SOX6: variants seen among roughly 807,000 people sequenced by gnomAD.
The protein encoded by SOX6 is SRY-box transcription factor 6.
In SOX6, 11 loss-of-function variants were observed where a neutral mutation model predicts 97.8. That is an observed-to-expected ratio of 0.11 (90% CI 0.07 to 0.19). SOX6 has a LOEUF of 0.19. SOX6 is among the 10% of genes least tolerant of loss of function. The probability of loss-of-function intolerance (pLI) is 1.00; values close to 1 mark genes in which losing one functional copy is unlikely to be tolerated. For missense variants in SOX6, 810 were observed against 1,039.5 expected (o/e 0.78, Z 3.04); for synonymous variants, 360 against 371.4 (o/e 0.97, Z 0.35).
At chr11:16,126,578 A>G (rs1452265272) in intron 6 of SOX6, among the ~76,000 whole-genome samples, 3 of 152,144 alleles carry the variant, frequency 2.0e-5, no homozygotes, top group African/African-American at 4.8e-5. Context: ...GCTCTGTTAG[A>G]TAGGCTTTCA....
At chr11:16,382,430 T>C (rs1287706419) in intron 1 of SOX6, 1 of 152,034 alleles carries the variant, frequency 6.6e-6, no homozygotes, top group Admixed American at 6.6e-5. Flanking sequence ...GGCTTTTATC[T>C]TTGTCTTGCA....
At chr11:16,384,783 G>C (rs1471010758) in intron 1 of SOX6, among the ~76,000 whole-genome samples, 1 of 151,974 alleles carries the variant, frequency 6.6e-6, no homozygotes, top group Non-Finnish European at 1.5e-5. Context: ...AAGAATGGCA[G>C]CATAGAAAGC....
At chr11:16,457,548 TTA>T (rs1859832316) in intron 1 of SOX6, among the ~76,000 whole-genome samples, 1 of 152,064 alleles carries the variant, frequency 6.6e-6, no homozygotes, top group South Asian at 2.1e-4. Flanking sequence ...CCATACCCAT[TTA>T]ACAGATGAAG....
chr11:16,501,596 A>T (rs1327894223), intron 4 of SOX6, among the ~76,000 whole-genome samples: 1 of 151,912 alleles, frequency 6.6e-6, no homozygotes, highest in Non-Finnish European at 1.5e-5. Flanking sequence ...TCTAGAAAGA[A>T]CTCAAACAAA....
chr11:16,487,852 T>C (rs575063010), intron 4 of SOX6, among the ~76,000 whole-genome samples: 53 of 152,318 alleles, frequency 3.5e-4, no homozygotes, highest in South Asian at 1.2e-3. Context: ...TGGAGCTCTG[T>C]AATTTAAAAG....
At chr11:16,268,382 C>T (rs74375633) in intron 3 of SOX6, among the ~76,000 whole-genome samples, 8,309 of 151,026 alleles carry the variant, frequency 0.055, 296 homozygotes, top group Non-Finnish European at 0.08. Flanking sequence ...TCATATATAC[C>T]TTGATAAGAC....
intron 3 of SOX6, among the ~76,000 whole-genome samples, chr11:16,678,372 C>A (rs1336694329): frequency 6.6e-6 from 1 of 152,098 alleles, no homozygotes; most frequent in Non-Finnish European, 1.5e-5. Context: ...TTTAAATTGA[C>A]CTTCTAATTT....
At chr11:16,174,783 A>G (rs1031888120) in intron 6 of SOX6, among the ~76,000 whole-genome samples, 6 of 152,052 alleles carry the variant, frequency 3.9e-5, no homozygotes, top group African/African-American at 1.4e-4. Context: ...GCTAAAACAC[A>G]TAATTTCAAC....
intron 3 of SOX6, among the ~76,000 whole-genome samples, chr11:16,275,210 G>A (rs1456250592): frequency 1.3e-5 from 2 of 151,642 alleles, no homozygotes; most frequent in African/African-American, 2.4e-5. Flanking sequence ...AGGAGCCCGA[G>A]GCGGGCGGAT....
upstream of SOX6, among the ~76,000 whole-genome samples, chr11:16,358,352 TA>T (rs1199758879): frequency 4.6e-5 from 7 of 152,146 alleles, no homozygotes; most frequent in African/African-American, 1.7e-4. Context: ...TGTTTTACCT[TA>T]AAAATATATT....
intron 3 of SOX6, among the ~76,000 whole-genome samples, chr11:16,281,033 C>T (rs1049874598): frequency 6.6e-6 from 1 of 152,036 alleles, no homozygotes; most frequent in Non-Finnish European, 1.5e-5. Flanking sequence ...AGAGTCAGCC[C>T]TCAACAAAGT....
At chr11:16,513,936 C>A (rs919431903) in intron 4 of SOX6, among the ~76,000 whole-genome samples, 1 of 152,000 alleles carries the variant, frequency 6.6e-6, no homozygotes, top group African/African-American at 2.4e-5. Context: ...AGACTGCAAA[C>A]TGTTGGGATT....
At chr11:16,480,835 A>T (rs1027612536), upstream of SOX6, among the ~76,000 whole-genome samples, 4 of 152,162 alleles carry the variant, frequency 2.6e-5, no homozygotes, top group Admixed American at 6.5e-5. Context: ...GCACTGCATG[A>T]TTAAAACTGA....
chr11:16,459,931 A>G (rs1356102847), intron 1 of SOX6, among the ~76,000 whole-genome samples: 1 of 151,964 alleles, frequency 6.6e-6, no homozygotes, highest in Non-Finnish European at 1.5e-5. Flanking sequence ...TTTTCCAGAT[A>G]CAATGAAAAC....
chr11:16,093,127 G>A (rs1848727176), intron 9 of SOX6, among the ~76,000 whole-genome samples: 1 of 151,968 alleles, frequency 6.6e-6, no homozygotes, highest in Non-Finnish European at 1.5e-5. Flanking sequence ...GTTCTCTAAA[G>A]GTCAAAAGCA....
intron 3 of SOX6, among the ~76,000 whole-genome samples, chr11:16,671,001 CT>C (rs1235424669): frequency 6.6e-6 from 1 of 152,188 alleles, no homozygotes; most frequent in Non-Finnish European, 1.5e-5. Context: ...GTGTCACCTA[CT>C]AAATCATATC....
chr11:16,424,946 G>A (rs932404376), intron 1 of SOX6, among the ~76,000 whole-genome samples: 2 of 152,288 alleles, frequency 1.3e-5, no homozygotes, highest in South Asian at 4.1e-4. Context: ...AAACAAAGTG[G>A]CTAAGTCAAA....
intron 4 of SOX6, among the ~76,000 whole-genome samples, chr11:16,518,776 C>CAA (rs199824776): frequency 6.6e-6 from 1 of 151,512 alleles, no homozygotes; most frequent in African/African-American, 2.4e-5. Context: ...ATTTTCAACA[C>CAA]AAAAAAAACG....
chr11:16,522,541 G>A (rs1861085499), intron 4 of SOX6, among the ~76,000 whole-genome samples: 1 of 151,826 alleles, frequency 6.6e-6, no homozygotes, highest in South Asian at 2.1e-4. Flanking sequence ...AAAATGTAAG[G>A]ACCATCGAGA....
Sources: gnomAD v4.1 joint callset for allele counts (sites outside exome capture counted in the v4.1 genomes callset) on GRCh38, gnomAD v4.1.1 for gene constraint, MANE v1.5 for transcripts, NCBI Gene and HGNC (gene_info 2026-07-23, HGNC 2026-07-21) for gene names.